The following STX18 variants were observed in gnomAD, a reference collection of about 807,000 sequenced individuals.
The protein encoded by STX18 is syntaxin-18.
In STX18, 40 loss-of-function variants were observed where a neutral mutation model predicts 50.1. The observed-to-expected ratio is 0.80, with a 90% CI of 0.62 to 1.04. The LOEUF (loss-of-function observed/expected upper bound fraction) is 1.04, where lower values mean the gene tolerates loss of function less well. Ranked by LOEUF, STX18 falls within the 50% of genes least tolerant of loss-of-function variation. The pLI is 0.00. For synonymous variants in STX18, 158 were observed against 151.8 expected (o/e 1.04, Z -0.30); for missense variants, 410 against 415.8 (o/e 0.99, Z 0.12).
At chr4:4,438,921 A>G (rs1725936901) in intron 5 of STX18, among the ~76,000 whole-genome samples, 1 of 150,202 alleles carries the variant, frequency 6.7e-6, no homozygotes, top group South Asian at 2.1e-4. Flanking sequence ...CATATTATAC[A>G]TATATTCATA....
chr4:4,488,330 TATA>T (rs1204461237), intron 1 of STX18, among the ~76,000 whole-genome samples: 2 of 152,202 alleles, frequency 1.3e-5, no homozygotes, highest in Non-Finnish European at 2.9e-5. Context: ...TTGTTTGAAT[TATA>T]ATATCAGCTT....
rs774434774 is a variant in STX18 at position 4,420,882 on chromosome 4, GCCTT to G, written c.890_893del (p.Glu297AlafsTer5). The stretch of plus-strand genomic sequence containing the variant: ...TGCCTACCTCTCTTATGTCTTCGTT[GCCTT>G]CCTTGATATTTTCAGTTGCCCCCAC... On this transcript the variant is annotated frameshift_variant, in exon 10 of 11. Transcript: ENST00000306200. LOFTEE classifies it high-confidence loss of function. The surrounding 1 kb of genome is among the most constrained non-coding windows in gnomAD (Gnocchi z 4.3). 1.2e-6 allele frequency: 2 copies of G among 1,614,114 alleles called. No individual in the cohort carries two copies. The highest frequency in any genetic ancestry group is 2.2e-5 in the South Asian group (2 of 91,084).
chr4:4,458,241 G>A (rs1047916923), intron 3 of STX18, among the ~76,000 whole-genome samples: 1 of 152,178 alleles, frequency 6.6e-6, no homozygotes, highest in Non-Finnish European at 1.5e-5. Context: ...AGGTTAGATG[G>A]TTTCATATGT....
intron 1 of STX18, among the ~76,000 whole-genome samples, chr4:4,505,430 C>T (rs1169826950): frequency 2.0e-5 from 3 of 152,124 alleles, no homozygotes; most frequent in Non-Finnish European, 4.4e-5. Context: ...TGTCGAGCAT[C>T]AAGAGGGAGT....
At chr4:4,469,663 G>GTGTGAGTGA in intron 2 of STX18, among the ~76,000 whole-genome samples, 2 of 152,268 alleles carry the variant, frequency 1.3e-5, no homozygotes, top group African/African-American at 4.8e-5. Context: ...CTGAGAGGCG[G>GTGTGAGTGA]TGTGAGTGAT....
chr4:4,517,828 G>C (rs919975673), intron 1 of STX18, among the ~76,000 whole-genome samples: 2 of 150,860 alleles, frequency 1.3e-5, no homozygotes, highest in African/African-American at 4.9e-5. Flanking sequence ...CCAGGCTGGA[G>C]TGTAGGTGTG....
At chr4:4,504,055 G>T (rs1471700482) in intron 1 of STX18, among the ~76,000 whole-genome samples, 1 of 151,986 alleles carries the variant, frequency 6.6e-6, no homozygotes, top group African/African-American at 2.4e-5. Context: ...TTACACATCT[G>T]GTAGGGAGAA....
chr4:4,473,542 C>T (rs1002976268), intron 1 of STX18, among the ~76,000 whole-genome samples: 13 of 152,152 alleles, frequency 8.5e-5, no homozygotes, highest in Admixed American at 2.6e-4. Context: ...ATCCGCCCGC[C>T]TCAGCCTCCC....
chr4:4,463,781 G>A lies in STX18; in HGVS notation c.237-4294C>T, dbSNP rs946343729. Among the ~76,000 whole-genome samples, 14 of 152,228 alleles carry A rather than the reference G, an allele frequency of 9.2e-5. No homozygotes were observed. In the East Asian group the frequency reaches 2.7e-3, roughly 29 times the overall value. On this transcript the variant is annotated intron_variant, in intron 2 of 10. Transcript: ENST00000306200. ...AATAAAATTGACACTGCGATCTAGT[G>A]TTAACCAACTATTTTTAACTCAGAG...
intron 5 of STX18, among the ~76,000 whole-genome samples, 158 bp downstream of exon 5, chr4:4,457,033 G>T (rs1397809845): frequency 6.6e-6 from 1 of 152,212 alleles, no homozygotes; most frequent in Non-Finnish European, 1.5e-5. Flanking sequence ...CTGGCATGCT[G>T]CCTGGCACAC....
At chr4:4,512,965 G>A (rs1730069709) in intron 1 of STX18, among the ~76,000 whole-genome samples, 1 of 152,150 alleles carries the variant, frequency 6.6e-6, no homozygotes, top group Non-Finnish European at 1.5e-5. Flanking sequence ...TGGGCTGACA[G>A]AAAACCAAAT....
chr4:4,442,974 C>T (rs1726202849), intron 5 of STX18, among the ~76,000 whole-genome samples: 4 of 152,094 alleles, frequency 2.6e-5, no homozygotes, highest in Admixed American at 2.0e-4. Flanking sequence ...AACTACACTG[C>T]GTCATTATTT....
intron 1 of STX18, among the ~76,000 whole-genome samples, chr4:4,539,992 C>G (rs1226603490): frequency 6.6e-6 from 1 of 152,184 alleles, no homozygotes; most frequent in Non-Finnish European, 1.5e-5. Flanking sequence ...AAAGCCAATA[C>G]TGTGATATTC....
intron 1 of STX18, 66 bp from the exon 2 acceptor site, chr4:4,471,772 T>C: frequency 1.7e-6 from 2 of 1,191,110 alleles, no homozygotes; most frequent in Non-Finnish European, 2.3e-6. Context: ...GAATTTTAAA[T>C]TAATAGAGAA....
chr4:4,452,975 T>A (rs144829052), intron 5 of STX18, among the ~76,000 whole-genome samples: 2 of 152,114 alleles, frequency 1.3e-5, no homozygotes, highest in African/African-American at 4.8e-5. Context: ...AGAACTAAGA[T>A]TGGAAGTGGA....
chr4:4,515,364 A>G (rs1209547527), intron 1 of STX18, among the ~76,000 whole-genome samples: 1 of 152,152 alleles, frequency 6.6e-6, no homozygotes, highest in African/African-American at 2.4e-5. Context: ...AGTTCTAAAA[A>G]TTGTGGTCAT....
At chr4:4,506,752 T>G (rs186593763) in intron 1 of STX18, among the ~76,000 whole-genome samples, 233 of 152,330 alleles carry the variant, frequency 1.5e-3, no homozygotes, top group African/African-American at 5.2e-3. Context: ...AGTTAGAGAA[T>G]AAATGCAATA....
At chr4:4,443,063 T>C (rs1272089340) in intron 5 of STX18, among the ~76,000 whole-genome samples, 1 of 152,232 alleles carries the variant, frequency 6.6e-6, no homozygotes, top group Non-Finnish European at 1.5e-5. Context: ...GGCACTTCCG[T>C]ATATTGATGG....
At chr4:4,507,452 A>T (rs1472367320) in intron 1 of STX18, 1 of 760,912 alleles carries the variant, frequency 1.3e-6, no homozygotes, top group East Asian at 2.5e-5. Context: ...TGCGAACTGG[A>T]GAAAAAGTTC....
Sources: allele counts gnomAD v4.1 joint callset (sites outside exome capture counted in the v4.1 genomes callset), GRCh38; gene constraint gnomAD v4.1.1; non-coding constraint Gnocchi (gnomAD v3.1); transcripts MANE v1.5; gene names NCBI Gene and HGNC (gene_info 2026-07-23, HGNC 2026-07-21).